The following EXOSC4 variants were observed in gnomAD, a reference collection of about 807,000 sequenced individuals.
EXOSC4 encodes the protein exosome component 4.
In EXOSC4, 14 loss-of-function variants were observed where a neutral mutation model predicts 20.0. The ratio of observed to expected loss-of-function variants is 0.70; its 90% CI spans 0.46 to 1.09. The LOEUF (loss-of-function observed/expected upper bound fraction) is 1.09. Among genes scored for constraint, EXOSC4 ranks in the 50% least tolerant of loss-of-function variants. The pLI, the probability that EXOSC4 is intolerant of heterozygous loss-of-function variation, is 0.00. For synonymous variants in EXOSC4, 148 were observed against 146.4 expected (o/e 1.01, Z -0.08); for missense variants, 337 against 334.0 (o/e 1.01, Z -0.07).
chr8:144,078,246 C>G (rs1554762945), upstream of EXOSC4: 2 of 153,460 alleles, frequency 1.3e-5, no homozygotes, highest in Non-Finnish European at 2.9e-5. The surrounding 1 kb of genome is among the most constrained non-coding windows in gnomAD (Gnocchi z 4.7). Context: ...ATGCCTTCTC[C>G]TGTCAGTGTC....
chr8:144,076,895 A>G (rs1187914876), upstream of EXOSC4, among the ~76,000 whole-genome samples: 2 of 150,112 alleles, frequency 1.3e-5, no homozygotes, highest in African/African-American at 5.1e-5. Context: ...GTGAAACCCC[A>G]TCTCTACTAA....
the EXOSC4 span, among the ~76,000 whole-genome samples, chr8:144,066,115 C>G: frequency 6.6e-6 from 1 of 151,838 alleles, no homozygotes; most frequent in Non-Finnish European, 1.5e-5. Flanking sequence ...CTCCCGGATT[C>G]AGGCCATTCT....
At chr8:144,077,069 CAA>C (rs34195797), upstream of EXOSC4, among the ~76,000 whole-genome samples, 7,582 of 97,984 alleles carry the variant, frequency 0.077, 705 homozygotes, top group African/African-American at 0.24. Flanking sequence ...ACTCCATCTC[CAA>C]AAAAAAAAAA....
upstream of EXOSC4, among the ~76,000 whole-genome samples, chr8:144,077,110 G>A (rs913598424): frequency 3.3e-5 from 5 of 151,168 alleles, no homozygotes; most frequent in African/African-American, 1.2e-4. Flanking sequence ...AGTGGCAGGT[G>A]CCTGTAATCC....
Position 144,078,705 on chromosome 8 carries a change from G to C in EXOSC4, c.-24G>C, listed in dbSNP as rs1210580917. The C allele has an allele frequency of 7.1e-7, 1 of 1,415,340 alleles. No individual in the cohort carries two copies. The allele number at this position is 1,415,340 out of a possible 1,614,324, so 87.7% of individuals were successfully genotyped here. ...CCCGCGGCTCAGAGAAGTAGGCAGA[G>C]AGCGGACCTGGCGGCCGGGCAGCAT... On this transcript the variant is annotated 5_prime_UTR_variant, in exon 1 of 3. Coordinates refer to ENST00000316052, the MANE Select transcript of EXOSC4 (RefSeq NM_019037.3). This position sits in a 1 kb window ranked among gnomAD's most constrained non-coding sequence, Gnocchi z 4.7.
chr8:144,074,180 A>G (rs1452898249), upstream of EXOSC4, among the ~76,000 whole-genome samples: 4 of 152,204 alleles, frequency 2.6e-5, no homozygotes, highest in Non-Finnish European at 5.9e-5. Context: ...ATATTTCGTA[A>G]AATTTGCAAA....
At chr8:144,073,951 C>T (rs1476282219), upstream of EXOSC4, among the ~76,000 whole-genome samples, 3 of 152,148 alleles carry the variant, frequency 2.0e-5, no homozygotes, top group Admixed American at 2.0e-4. Context: ...GTCAGCCCAA[C>T]GGAATAGTGG....
chr8:144,076,758 G>A (rs561075194), upstream of EXOSC4, among the ~76,000 whole-genome samples: 19 of 152,302 alleles, frequency 1.2e-4, no homozygotes, highest in African/African-American at 3.8e-4. Context: ...CTCCCTGGGC[G>A]TCTAGTCTTC....
the EXOSC4 span, among the ~76,000 whole-genome samples, chr8:144,071,282 C>T: frequency 7.1e-5 from 4 of 56,076 alleles, no homozygotes; most frequent in Admixed American, 6.8e-4. Context: ...CTCCCCTCCC[C>T]TCCTCCGCTC....
At position 144,078,851 on chromosome 8, in the gene EXOSC4, T is replaced by A. The variant is rs782727373; in HGVS notation, c.123T>A (p.Ile41=). The change falls in exon 1 of 3, where the codon ATT becomes ATA. Residue 41 remains isoleucine (I), a synonymous_variant. Transcript: ENST00000316052. The surrounding 1 kb of genome is among the most constrained non-coding windows in gnomAD (Gnocchi z 4.7). The stretch of plus-strand genomic sequence containing the variant: ...CGCAGGCTGACGGCTCGGCCTACAT[T>A]GAGCAGGGCAACACCAAGGCACTGG... ...VFAQADGSAY[I]EQGNTKALAV... The A allele has an allele frequency of 9.5e-6, 15 of 1,572,380 alleles. No individual in the cohort carries two copies. In the African/African-American group the frequency reaches 2.0e-4, roughly 21 times the overall value.
chr8:144,069,343 T>A, the EXOSC4 span, among the ~76,000 whole-genome samples: 1 of 152,202 alleles, frequency 6.6e-6, no homozygotes, highest in Non-Finnish European at 1.5e-5. Context: ...AAGTCCAAGA[T>A]GAGTCTTATG....
the EXOSC4 span, among the ~76,000 whole-genome samples, chr8:144,066,065 G>A: frequency 6.6e-6 from 1 of 151,464 alleles, no homozygotes; most frequent in Non-Finnish European, 1.5e-5. Flanking sequence ...CACCCAGGCT[G>A]GAGTGCAGTG....
At chr8:144,071,069 A>G in the EXOSC4 span, among the ~76,000 whole-genome samples, 1 of 151,920 alleles carries the variant, frequency 6.6e-6, no homozygotes, top group Admixed American at 6.6e-5. Flanking sequence ...ACCACTAAAC[A>G]ACATGAAAAA....
chr8:144,079,557 C>T (rs1184090593), intron 1 of EXOSC4: 2 of 372,954 alleles, frequency 5.4e-6, no homozygotes, highest in African/African-American at 4.2e-5. Context: ...GGGATAACTC[C>T]AAATCAGGTT....
chr8:144,069,736 G>A, the EXOSC4 span, among the ~76,000 whole-genome samples: 1 of 152,262 alleles, frequency 6.6e-6, no homozygotes, highest in Non-Finnish European at 1.5e-5. Context: ...ATGCGGAGCA[G>A]ATTGGAAAGC....
At chr8:144,078,577 G>A (rs1835860083), upstream of EXOSC4, 3 of 831,792 alleles carry the variant, frequency 3.6e-6, no homozygotes, top group Non-Finnish European at 5.1e-6. This position sits in a 1 kb window ranked among gnomAD's most constrained non-coding sequence, Gnocchi z 4.7. Flanking sequence ...ATCCACGGAG[G>A]TCAGGGCCGC....
the EXOSC4 span, among the ~76,000 whole-genome samples, chr8:144,067,746 G>A: frequency 7.2e-4 from 110 of 152,346 alleles, no homozygotes; most frequent in African/African-American, 2.5e-3. Flanking sequence ...AGTGGCACAC[G>A]CCTGTCATCC....
At chr8:144,079,845 C>T (rs1035889302) in intron 1 of EXOSC4, 98 bp from the exon 2 acceptor site, 2 of 1,173,910 alleles carry the variant, frequency 1.7e-6, no homozygotes, top group Non-Finnish European at 2.6e-6. Flanking sequence ...TTGCCCCTTG[C>T]TGAGGCATTG....
the EXOSC4 span, among the ~76,000 whole-genome samples, chr8:144,068,542 G>A: frequency 6.6e-6 from 1 of 152,050 alleles, no homozygotes; most frequent in Non-Finnish European, 1.5e-5. Flanking sequence ...GTGTTCTCCG[G>A]GCCTCCACCT....
Sources: allele counts gnomAD v4.1 joint callset (sites outside exome capture counted in the v4.1 genomes callset), GRCh38; gene constraint gnomAD v4.1.1; non-coding constraint Gnocchi (gnomAD v3.1); transcripts MANE v1.5; gene names NCBI Gene and HGNC (gene_info 2026-07-23, HGNC 2026-07-21).